PKD1L1: variants seen among roughly 807,000 people sequenced by gnomAD.
PKD1L1 encodes polycystin-1-like protein 1.
A neutral mutation model predicts 323.4 loss-of-function variants in PKD1L1; 236 were observed. The ratio of observed to expected loss-of-function variants is 0.73; its 90% confidence interval spans 0.66 to 0.81. The LOEUF (loss-of-function observed/expected upper bound fraction) is 0.81. Ranked by LOEUF, PKD1L1 falls within the 40% of genes least tolerant of loss-of-function variation. The pLI, the probability that PKD1L1 is intolerant of heterozygous loss-of-function variation, is 0.00. For synonymous variants in PKD1L1, 1,344 were observed against 1,335.0 expected (o/e 1.01, Z -0.15); for missense variants, 3,320 against 3,508.0 (o/e 0.95, Z 1.35).
intron 1 of PKD1L1, among the ~76,000 whole-genome samples, chr7:47,945,438 T>C (rs1249311474): frequency 6.6e-6 from 1 of 152,166 alleles, no homozygotes; most frequent in East Asian, 1.9e-4. Flanking sequence ...GAGGAAAGTG[T>C]GCAGGGAGGT....
chr7:47,932,239 A>G (rs145467398), intron 4 of PKD1L1, among the ~76,000 whole-genome samples, 183 bp from the exon 5 acceptor site: 107 of 152,318 alleles, frequency 7.0e-4, no homozygotes, highest in African/African-American at 2.4e-3. Context: ...TGTGGTTAGA[A>G]GCCAAACCAG....
chr7:47,876,807 T>C (rs774632504), intron 22 of PKD1L1, among the ~76,000 whole-genome samples: 1 of 151,882 alleles, frequency 6.6e-6, no homozygotes, highest in Non-Finnish European at 1.5e-5. Context: ...TTGAGATAAG[T>C]CTCACACTGT....
intron 55 of PKD1L1, among the ~76,000 whole-genome samples, chr7:47,793,460 G>A (rs919196428): frequency 1.1e-4 from 16 of 152,112 alleles, no homozygotes; most frequent in African/African-American, 1.7e-4. Flanking sequence ...AGGTGTTTCC[G>A]CTTTTGCATC....
chr7:47,817,755 A>G (rs1333593614), intron 46 of PKD1L1, among the ~76,000 whole-genome samples: 4 of 152,072 alleles, frequency 2.6e-5, no homozygotes, highest in Non-Finnish European at 5.9e-5. Flanking sequence ...CTGTAGTCTC[A>G]GCTACTTGGG....
rs1787712565 is a variant in PKD1L1 at position 47,929,200 on chromosome 7, T to C, written c.1060+4A>G. ...GCTCCTGATAAGGACACCATGCACC[T>C]TACCTTTTGAGTACTGGTGGTAGGC... On this transcript the variant is annotated splice_donor_region_variant and intron_variant, in intron 7 of 56. Coordinates refer to ENST00000289672, the MANE Select transcript of PKD1L1 (RefSeq NM_138295.5). 1.2e-6 allele frequency: 2 copies of C among 1,612,938 alleles called. No individual in the cohort carries two copies. The highest frequency in any genetic ancestry group is 2.7e-5 in the African/African-American group (2 of 74,898).
intron 24 of PKD1L1, among the ~76,000 whole-genome samples, chr7:47,871,820 T>C (rs1377313085): frequency 6.6e-6 from 1 of 152,156 alleles, no homozygotes; most frequent in East Asian, 1.9e-4. Flanking sequence ...CTAATATTAA[T>C]ATGAAGTGGT....
rs765198326 is a variant in PKD1L1 at position 47,886,056 on chromosome 7, T to C, written c.2837-2A>G. 45 of 1,599,612 alleles carry C rather than the reference T, an allele frequency of 2.8e-5. No individual in the cohort carries two copies. Among genetic ancestry groups the C allele is most frequent in the Non-Finnish European group, 3.7e-5 (43 of 1,172,682 alleles). On this transcript the variant is annotated splice_acceptor_variant, in intron 17 of 56. Transcript: ENST00000289672. LOFTEE classifies it high-confidence loss of function. Reference sequence around the variant, plus strand: ...GCCCCACTACTCTGCAGAAGGGAACTTAAGCAAACGTTTGGCAGTGTTAGA... The same window carrying C: ...GCCCCACTACTCTGCAGAAGGGAACCTAAGCAAACGTTTGGCAGTGTTAGA...
chr7:47,899,216 C>A (rs1403443804), intron 13 of PKD1L1, among the ~76,000 whole-genome samples: 1 of 152,194 alleles, frequency 6.6e-6, no homozygotes, highest in African/African-American at 2.4e-5. Context: ...GGGCCTGGGG[C>A]ACTCTCCTTG....
intron 56 of PKD1L1, among the ~76,000 whole-genome samples, chr7:47,790,301 A>T (rs1278263067): frequency 6.6e-6 from 1 of 151,590 alleles, no homozygotes; most frequent in Non-Finnish European, 1.5e-5. Context: ...GTTTTTTATG[A>T]TTAAAACAAT....
At chr7:47,933,584 C>T (rs1035925054) in intron 4 of PKD1L1, among the ~76,000 whole-genome samples, 1 of 152,182 alleles carries the variant, frequency 6.6e-6, no homozygotes, top group Non-Finnish European at 1.5e-5. Flanking sequence ...CATGCCACTG[C>T]CTGGGCCGCC....
chr7:47,796,830 C>CAAAA (rs71006525), intron 54 of PKD1L1, among the ~76,000 whole-genome samples: 11,520 of 132,666 alleles, frequency 0.087, 631 homozygotes, highest in Non-Finnish European at 0.11. Context: ...TCCTAAATTA[C>CAAAA]AAAAAAAAAA....
chr7:47,858,533 C>A, intron 27 of PKD1L1, 140 bp downstream of exon 27: 5 of 702,822 alleles, frequency 7.1e-6, no homozygotes, highest in South Asian at 2.1e-5. Flanking sequence ...CTCCAAATAC[C>A]AAAATGCCAC....
intron 45 of PKD1L1, 119 bp from the exon 46 acceptor site, chr7:47,821,305 G>T: frequency 1.7e-6 from 1 of 581,938 alleles, no homozygotes; most frequent in Non-Finnish European, 2.9e-6. Flanking sequence ...GTCTCACTCT[G>T]TCACCCAGGC....
intron 1 of PKD1L1, among the ~76,000 whole-genome samples, chr7:47,947,749 C>G (rs2708872): frequency 0.18 from 27,535 of 152,138 alleles, 2,537 homozygotes; most frequent in South Asian, 0.19. Context: ...GGGCAGATCA[C>G]AAGGTCAGGA....
intron 33 of PKD1L1, 135 bp from the exon 34 acceptor site, chr7:47,843,304 G>A (rs1785601599): frequency 1.4e-6 from 1 of 706,872 alleles, no homozygotes; most frequent in African/African-American, 1.8e-5. Flanking sequence ...ACACTTGCTG[G>A]AAGCTGAGTT....
chr7:47,836,528 G>A (rs1426849094), intron 37 of PKD1L1, among the ~76,000 whole-genome samples: 1 of 152,208 alleles, frequency 6.6e-6, no homozygotes, highest in Non-Finnish European at 1.5e-5. Context: ...CATCTTGAGG[G>A]AAAATGTGGC....
At chr7:47,854,352 G>A (rs1417272503) in intron 30 of PKD1L1, among the ~76,000 whole-genome samples, 2 of 151,892 alleles carry the variant, frequency 1.3e-5, no homozygotes, top group Non-Finnish European at 2.9e-5. Context: ...GACCTCCAAC[G>A]AACTCTGCAG....
intron 3 of PKD1L1, among the ~76,000 whole-genome samples, chr7:47,937,994 C>T (rs915140439): frequency 1.3e-5 from 2 of 152,032 alleles, no homozygotes; most frequent in Non-Finnish European, 2.9e-5. Flanking sequence ...GGAAGCTGGC[C>T]ACCTTGTTTC....
At chr7:47,869,892 T>C (rs551575642) in intron 24 of PKD1L1, among the ~76,000 whole-genome samples, 1 of 152,168 alleles carries the variant, frequency 6.6e-6, no homozygotes, top group African/African-American at 2.4e-5. Context: ...GTATATCCTC[T>C]GACCATGATG....
Sources: allele counts gnomAD v4.1 joint callset (sites outside exome capture counted in the v4.1 genomes callset), GRCh38; gene constraint gnomAD v4.1.1; transcripts MANE v1.5; gene names NCBI Gene and HGNC (gene_info 2026-07-23, HGNC 2026-07-21).